The following RNFT2 variants were observed in gnomAD, a reference collection of about 807,000 sequenced individuals.
RNFT2 encodes E3 ubiquitin-protein ligase RNFT2.
RNFT2 carries 36 observed loss-of-function variants against 53.0 expected under a neutral mutation model. The ratio of observed to expected loss-of-function variants is 0.68; its 90% CI spans 0.52 to 0.90. The LOEUF is 0.90. RNFT2 is among the 40% of genes least tolerant of loss of function. RNFT2 has a pLI of 0.00. For missense variants in RNFT2, 514 were observed against 585.6 expected (o/e 0.88, Z 1.26); for synonymous variants, 260 against 253.2 (o/e 1.03, Z -0.26).
chr12:116,833,743 T>C, intron 7 of RNFT2, 49 bp from the exon 8 acceptor site: 1 of 1,605,536 alleles, frequency 6.2e-7, no homozygotes, highest in Non-Finnish European at 8.5e-7. Context: ...AGCTGGGTCC[T>C]TTGGGTCTTT....
At chr12:116,792,119 G>A (rs1258218954) in intron 7 of RNFT2, among the ~76,000 whole-genome samples, 1 of 152,066 alleles carries the variant, frequency 6.6e-6, no homozygotes, top group African/African-American at 2.4e-5. Flanking sequence ...GCACAATTTT[G>A]GCTCACAGCA....
chr12:116,824,907 G>A (rs1876243956), intron 7 of RNFT2, among the ~76,000 whole-genome samples: 1 of 152,170 alleles, frequency 6.6e-6, no homozygotes, highest in South Asian at 2.1e-4. Context: ...CAGCTGAGTA[G>A]CCTTAGATGG....
chr12:116,805,468 T>G (rs1353245281), intron 7 of RNFT2, among the ~76,000 whole-genome samples: 7 of 151,996 alleles, frequency 4.6e-5, no homozygotes, highest in Non-Finnish European at 7.4e-5. Flanking sequence ...TGCTGCATTT[T>G]TTGTTGTTGT....
intron 7 of RNFT2, among the ~76,000 whole-genome samples, chr12:116,798,974 G>T (rs1383497853): frequency 6.6e-6 from 1 of 152,096 alleles, no homozygotes; most frequent in African/African-American, 2.4e-5. Context: ...TCACAGTTCT[G>T]TAGGTCAGCA....
At chr12:116,787,718 G>GAA (rs55938203) in intron 7 of RNFT2, among the ~76,000 whole-genome samples, 11 of 141,150 alleles carry the variant, frequency 7.8e-5, no homozygotes, top group Admixed American at 3.5e-4. Flanking sequence ...GTCTCTAAAA[G>GAA]AAAAAAAAAA....
In RNFT2 at chr12:116,851,980, G is replaced by A; in HGVS notation, c.*2532G>A. The A allele has an allele frequency of 2.0e-6, 3 of 1,495,074 alleles. No homozygotes were observed. Among genetic ancestry groups the A allele is most frequent in the Non-Finnish European group, 1.8e-6 (2 of 1,129,016 alleles). The allele number at this position is 1,495,074 out of a possible 1,614,324, so 92.6% of individuals were successfully genotyped here. On this transcript the variant is annotated 3_prime_UTR_variant, in exon 11 of 11. Coordinates refer to ENST00000257575, the MANE Select transcript of RNFT2 (RefSeq NM_001382266.1). ...AAACAGGACAACCTATGTTATGGAT[G>A]TTTCCACCAACCAGGGTAGTGGCAT...
intron 7 of RNFT2, among the ~76,000 whole-genome samples, chr12:116,789,206 G>T (rs2137130835): frequency 6.9e-6 from 1 of 145,536 alleles, no homozygotes. Flanking sequence ...TGGGTGGATG[G>T]ATGGTAGATG....
At chr12:116,821,175 C>T (rs58963573) in intron 7 of RNFT2, among the ~76,000 whole-genome samples, 1 of 152,048 alleles carries the variant, frequency 6.6e-6, no homozygotes, top group Non-Finnish European at 1.5e-5. Flanking sequence ...TGCCATTTCT[C>T]TCTTCCTTTC....
chr12:116,843,536 A>T (rs1332465066), intron 10 of RNFT2, among the ~76,000 whole-genome samples: 5 of 151,066 alleles, frequency 3.3e-5, no homozygotes, highest in Non-Finnish European at 7.4e-5. Context: ...CAAACAAACA[A>T]AAAAACAATC....
At chr12:116,808,838 G>GC (rs1202906464) in intron 7 of RNFT2, among the ~76,000 whole-genome samples, 2 of 152,014 alleles carry the variant, frequency 1.3e-5, no homozygotes, top group African/African-American at 4.8e-5. Flanking sequence ...CCCGTCCTGT[G>GC]CTCCCCCTGG....
At chr12:116,841,818 A>AAATATATATATAAATATATATATAT (rs1565875984) in intron 10 of RNFT2, among the ~76,000 whole-genome samples, 31 of 76,936 alleles carry the variant, frequency 4.0e-4, no homozygotes, top group Non-Finnish European at 5.2e-4. Flanking sequence ...TATATATATA[A>AAATATATATATAAATATATATATAT]AAATATATAT....
chr12:116,788,814 G>A (rs1874058010), intron 7 of RNFT2, among the ~76,000 whole-genome samples: 1 of 87,314 alleles, frequency 1.1e-5, no homozygotes, highest in Non-Finnish European at 2.7e-5. Context: ...GAAGTTTGGT[G>A]GATGGATGGA....
rs143089780 is a variant in RNFT2 at position 116,753,293 on chromosome 12, G to A, written c.551-691G>A. Among the ~76,000 whole-genome samples, 926 of 151,850 alleles carry A rather than the reference G, an allele frequency of 6.1e-3. 16 individuals are homozygous for A. Among genetic ancestry groups the A allele is most frequent in the African/African-American group, 0.021 (879 of 41,434 alleles). On this transcript the variant is annotated intron_variant, in intron 4 of 10. Transcript: ENST00000257575. ...AGCCTCCTGGGTAGCTGTGACTACA[G>A]GCACATGCCACCATGTGTGGCTAAT...
intron 3 of RNFT2, among the ~76,000 whole-genome samples, chr12:116,742,721 T>A (rs1042782020): frequency 1.2e-4 from 18 of 152,246 alleles, no homozygotes; most frequent in Middle Eastern, 3.4e-3. Flanking sequence ...GGTGGGAGGA[T>A]AACCTGAGTC....
At chr12:116,829,016 A>T (rs2137194399) in intron 7 of RNFT2, among the ~76,000 whole-genome samples, 1 of 152,132 alleles carries the variant, frequency 6.6e-6, no homozygotes, top group African/African-American at 2.4e-5. Context: ...AAAAAAAAAA[A>T]ACTGCAGGTC....
rs1170013971 is a variant in RNFT2, at chr12:116,851,894, A to T, written c.*2446A>T. 3.9e-6 allele frequency: 6 copies of T among 1,536,312 alleles called. No homozygotes were observed. Among genetic ancestry groups the T allele is most frequent in the Non-Finnish European group, 4.4e-6 (5 of 1,146,884 alleles). On this transcript the variant is annotated 3_prime_UTR_variant, in exon 11 of 11. Coordinates refer to ENST00000257575, the MANE Select transcript of RNFT2 (RefSeq NM_001382266.1). ...CCTATTCTGTCATCTCCCTCACTTA[A>T]GTCTCAGGCCTGTCAGCAGCTCCTG...
In RNFT2 at chr12:116,802,603, G is replaced by C. The variant is rs146300219; in HGVS notation, c.882+23255G>C. Among the ~76,000 whole-genome samples the C allele has an allele frequency of 2.8e-3, 433 of 152,320 alleles. 4 individuals are homozygous for C. The East Asian group carries it at 0.039, about 14-fold the overall frequency. ...AGCCACAAGACAAACAATGCCACCAGCCACCAGGAACTGGGAGAGGCAAAG... is the reference window on the plus strand; with the variant it reads ...AGCCACAAGACAAACAATGCCACCACCCACCAGGAACTGGGAGAGGCAAAG... On this transcript the variant is annotated intron_variant, in intron 7 of 10. Coordinates refer to ENST00000257575, the MANE Select transcript of RNFT2 (RefSeq NM_001382266.1).
At position 116,852,366 on chromosome 12, in the gene RNFT2, CA is replaced by C; in HGVS notation, c.*2921del. The C allele has an allele frequency of 7.9e-7, 1 of 1,260,144 alleles. No individual in the cohort carries two copies. The highest frequency in any genetic ancestry group is 1.0e-6 in the Non-Finnish European group (1 of 996,372). 78.1% of individuals were successfully genotyped at this position (1,260,144 alleles called of 1,614,324 possible). On this transcript the variant is annotated 3_prime_UTR_variant, in exon 11 of 11. Transcript: ENST00000257575. The stretch of plus-strand genomic sequence containing the variant: ...CAGGACATTTGCCCCTGTGTGCCAC[CA>C]AACCAGGACTTTCCCCTTGGCTTGG...
chr12:116,786,054 C>A (rs555963315), intron 7 of RNFT2, among the ~76,000 whole-genome samples: 10 of 151,820 alleles, frequency 6.6e-5, no homozygotes, highest in African/African-American at 2.4e-4. Flanking sequence ...TCTCAGTATT[C>A]TTCTGACATA....
Sources: allele counts gnomAD v4.1 joint callset (sites outside exome capture counted in the v4.1 genomes callset), GRCh38; gene constraint gnomAD v4.1.1; transcripts MANE v1.5; gene names NCBI Gene and HGNC (gene_info 2026-07-23, HGNC 2026-07-21).